CLDN14: variants seen among roughly 807,000 people sequenced by gnomAD.
CLDN14 encodes the protein claudin 14.
In CLDN14, 2 loss-of-function variants were observed where a neutral mutation model predicts 2.1. That is an observed-to-expected ratio of 0.96 (90% CI 0.39 to 3.01). The LOEUF (loss-of-function observed/expected upper bound fraction) is 3.01. Among genes scored for constraint, CLDN14 ranks in the 30% most tolerant of loss-of-function variants. CLDN14 has a pLI of 0.09. For missense variants in CLDN14, 298 were observed against 328.0 expected (o/e 0.91, Z 0.71); for synonymous variants, 136 against 154.4 (o/e 0.88, Z 0.88).
intron 1 of CLDN14, among the ~76,000 whole-genome samples, chr21:36,524,208 C>A (rs1212795769): frequency 2.6e-5 from 4 of 152,024 alleles, no homozygotes; most frequent in Admixed American, 2.0e-4. Context: ...AGAGCCTTGA[C>A]CTCCCGGGCT....
At chr21:36,477,348 AATATGGTTTC>A (rs2086791713) in intron 1 of CLDN14, 1 of 152,208 alleles carries the variant, frequency 6.6e-6, no homozygotes, top group Non-Finnish European at 1.5e-5. Flanking sequence ...TAGAATCGAA[AATATGGTTTC>A]ATATGTTTAC....
At chr21:36,488,211 CTG>C (rs1243549370) in intron 2 of CLDN14, among the ~76,000 whole-genome samples, 3 of 104,476 alleles carry the variant, frequency 2.9e-5, no homozygotes, top group Admixed American at 2.8e-4. Flanking sequence ...AAGACAAATA[CTG>C]TGATTCCCCT....
rs188365481 is a variant in CLDN14, at chr21:36,549,580, C to T, written c.-220+26831G>A. Among the ~76,000 whole-genome samples the T allele has an allele frequency of 2.2e-3, 331 of 152,202 alleles. 3 individuals are homozygous for T. Among genetic ancestry groups the T allele is most frequent in the Non-Finnish European group, 2.8e-3 (188 of 68,014 alleles). On this transcript the variant is annotated intron_variant, in intron 1 of 2. Transcript: ENST00000342108. ...CTAAAACATTTCCCAGAGGAAGGGC[C>T]GGTGGGGCGAGAATTACTTCTGGGG...
chr21:36,506,862 T>A (rs980476938), intron 2 of CLDN14, among the ~76,000 whole-genome samples: 1 of 152,146 alleles, frequency 6.6e-6, no homozygotes, highest in Non-Finnish European at 1.5e-5. Context: ...TTCCCACCTA[T>A]AATCCCAGTG....
chr21:36,525,236 G>C (rs1007225130), intron 1 of CLDN14, among the ~76,000 whole-genome samples: 3 of 152,114 alleles, frequency 2.0e-5, no homozygotes, highest in Admixed American at 6.5e-5. Flanking sequence ...GCAGCCCAAC[G>C]CAAGTGCACA....
chr21:36,484,954 C>T (rs369681776), upstream of CLDN14, among the ~76,000 whole-genome samples: 37 of 151,946 alleles, frequency 2.4e-4, no homozygotes, highest in African/African-American at 8.4e-4. Flanking sequence ...TCAGGTGATC[C>T]GCCTGCCTCG....
intron 2 of CLDN14, among the ~76,000 whole-genome samples, chr21:36,500,606 A>G (rs960329957): frequency 8.5e-5 from 13 of 152,072 alleles, no homozygotes; most frequent in East Asian, 5.8e-4. Flanking sequence ...TAATTTTAGT[A>G]TTTTTAGTAG....
At chr21:36,550,409 T>A (rs9983786) in intron 1 of CLDN14, among the ~76,000 whole-genome samples, 1 of 152,042 alleles carries the variant, frequency 6.6e-6, no homozygotes, top group Non-Finnish European at 1.5e-5. Flanking sequence ...GGTGTGGAAA[T>A]AGAGCTCAGG....
At chr21:36,467,993 GC>G (rs1279914397) in intron 1 of CLDN14, among the ~76,000 whole-genome samples, 1 of 152,190 alleles carries the variant, frequency 6.6e-6, no homozygotes, top group African/African-American at 2.4e-5. Flanking sequence ...AGTGCCTTTT[GC>G]CTGCCATGTG....
intron 1 of CLDN14, among the ~76,000 whole-genome samples, chr21:36,567,177 G>A (rs2146527444): frequency 6.6e-6 from 1 of 152,346 alleles, no homozygotes; most frequent in East Asian, 1.9e-4. Flanking sequence ...AGCCTACCCT[G>A]CCTCACGTTG....
intron 1 of CLDN14, among the ~76,000 whole-genome samples, chr21:36,573,147 A>G (rs1165135560): frequency 1.3e-5 from 2 of 151,974 alleles, no homozygotes; most frequent in South Asian, 2.1e-4. Context: ...TAAAAATACA[A>G]AAAATTAGCC....
At chr21:36,541,970 C>T (rs898246144) in intron 1 of CLDN14, among the ~76,000 whole-genome samples, 7 of 152,150 alleles carry the variant, frequency 4.6e-5, no homozygotes, top group African/African-American at 1.7e-4. Context: ...CTTTCTTTTA[C>T]TTTTGCAGCC....
At chr21:36,506,107 A>G (rs2087129983) in intron 2 of CLDN14, among the ~76,000 whole-genome samples, 1 of 152,258 alleles carries the variant, frequency 6.6e-6, no homozygotes, top group African/African-American at 2.4e-5. Flanking sequence ...TGAGAGAATA[A>G]AACTGGATAA....
intron 1 of CLDN14, among the ~76,000 whole-genome samples, chr21:36,568,784 C>T (rs905721598): frequency 2.6e-5 from 4 of 152,218 alleles, no homozygotes; most frequent in East Asian, 1.9e-4. Flanking sequence ...CTCACAGACA[C>T]GCCACATATG....
chr21:36,550,377 G>A lies in CLDN14; in HGVS notation c.-220+26034C>T, dbSNP rs76698646. Among the ~76,000 whole-genome samples, 489 of 152,280 alleles carry A rather than the reference G, an allele frequency of 3.2e-3. 2 individuals carry two copies. Among genetic ancestry groups the A allele is most frequent in the Non-Finnish European group, 5.7e-3 (386 of 68,018 alleles). On this transcript the variant is annotated intron_variant, in intron 1 of 2. Transcript: ENST00000342108. ...TCCTCTCCCCCTGACCCCAAAAGTC[G>A]AATAAGCTCTTTACCTTCATTGGTG... is the stretch of plus-strand genomic sequence containing the variant.
intron 1 of CLDN14, among the ~76,000 whole-genome samples, chr21:36,469,943 T>TTTG (rs201904668): frequency 1.3e-5 from 2 of 152,222 alleles, no homozygotes; most frequent in Admixed American, 6.5e-5. Context: ...TGTTGCTGTT[T>TTTG]TTGTTGTTGT....
rs2086819909 is a variant in CLDN14, at chr21:36,479,494, C to T, written c.-82+1G>A. The T allele has an allele frequency of 7.1e-6, 1 of 140,000 alleles. No individual in the cohort carries two copies. The highest frequency in any genetic ancestry group is 2.7e-4 in the South Asian group (1 of 3,706). The allele number at this position is 140,000 out of a possible 1,614,324, so 8.7% of individuals were successfully genotyped here. A position where few individuals can be genotyped will look rare whatever the true frequency, so the allele number is the denominator to read the frequency against. On this transcript the variant is annotated splice_donor_variant, in intron 1 of 1. Coordinates refer to ENST00000399135, the MANE Select transcript of CLDN14 (RefSeq NM_001146079.2). LOFTEE classifies it low-confidence loss of function (5UTR_SPLICE). ...CATCCACAGCTTCACCCCAAACTCACATGCAGAAAACCTCGAGTCTCATCT... is the reference window on the plus strand; with the variant it reads ...CATCCACAGCTTCACCCCAAACTCATATGCAGAAAACCTCGAGTCTCATCT...
chr21:36,575,426 A>G (rs746532306), intron 1 of CLDN14, among the ~76,000 whole-genome samples: 19 of 152,242 alleles, frequency 1.2e-4, no homozygotes, highest in Non-Finnish European at 1.5e-5. Flanking sequence ...AGATGAGGAA[A>G]CAGAGGCACA....
intron 1 of CLDN14, among the ~76,000 whole-genome samples, chr21:36,466,683 A>G (rs1323043119): frequency 6.6e-6 from 1 of 152,134 alleles, no homozygotes; most frequent in Non-Finnish European, 1.5e-5. Flanking sequence ...GCCCCTCTCA[A>G]ATCTCATGTC....
Sources: allele counts gnomAD v4.1 joint callset (sites outside exome capture counted in the v4.1 genomes callset), GRCh38; gene constraint gnomAD v4.1.1; transcripts MANE v1.5; gene names NCBI Gene and HGNC (gene_info 2026-07-23, HGNC 2026-07-21).